BCAR3: variants seen among roughly 807,000 people sequenced by gnomAD.
BCAR3 encodes the protein breast cancer anti-estrogen resistance protein 3.
In BCAR3, 37 loss-of-function variants were observed where a neutral mutation model predicts 80.1. The ratio of observed to expected loss-of-function variants is 0.46; its 90% CI spans 0.36 to 0.61. BCAR3 has a LOEUF of 0.61. BCAR3 is among the 20% of genes least tolerant of loss of function. BCAR3 has a pLI of 0.00. For synonymous variants in BCAR3, 389 were observed against 418.9 expected (o/e 0.93, Z 0.87); for missense variants, 978 against 1,068.2 (o/e 0.92, Z 1.18).
At chr1:93,786,693 T>A (rs1193331285) in intron 2 of BCAR3, among the ~76,000 whole-genome samples, 1 of 152,078 alleles carries the variant, frequency 6.6e-6, no homozygotes, top group Admixed American at 6.5e-5. Context: ...GATACCAAAA[T>A]TTTTAAGTTA....
chr1:93,619,456 GA>G (rs1386583372), intron 3 of BCAR3, among the ~76,000 whole-genome samples: 3 of 152,176 alleles, frequency 2.0e-5, no homozygotes, highest in African/African-American at 7.2e-5. Context: ...TACTTCCCAA[GA>G]TTCCTTTTCT....
At chr1:93,790,203 C>A (rs1426049940) in intron 2 of BCAR3, among the ~76,000 whole-genome samples, 1 of 152,042 alleles carries the variant, frequency 6.6e-6, no homozygotes, top group Non-Finnish European at 1.5e-5. Context: ...ATACAGTGAA[C>A]AACCGAGAGG....
At chr1:93,683,017 C>T (rs1238611265), upstream of BCAR3, among the ~76,000 whole-genome samples, 2 of 152,036 alleles carry the variant, frequency 1.3e-5, no homozygotes, top group African/African-American at 4.8e-5. Context: ...AAATTAAGAG[C>T]TTCTGTTCAT....
intron 2 of BCAR3, among the ~76,000 whole-genome samples, chr1:93,771,707 T>C (rs1268504225): frequency 6.6e-6 from 1 of 152,182 alleles, no homozygotes; most frequent in East Asian, 1.9e-4. Context: ...TCTTTAATAT[T>C]TTATCTATAT....
intron 2 of BCAR3, among the ~76,000 whole-genome samples, chr1:93,827,919 C>T (rs1160537331): frequency 4.6e-5 from 7 of 152,186 alleles, no homozygotes; most frequent in Non-Finnish European, 8.8e-5. Flanking sequence ...CAAGTTCTCT[C>T]TGACCTTCTC....
rs1173139089 is a variant in BCAR3 at position 93,571,791 on chromosome 1, C to T, written c.1853G>A (p.Gly618Asp). The change falls in exon 9 of 12, where the codon GGC becomes GAC. Residue 618 changes from glycine (G) to aspartate (D), a missense_variant. By Grantham distance (94) the Gly-to-Asp change is moderately conservative. Coordinates refer to ENST00000260502, the MANE Select transcript of BCAR3 (RefSeq NM_003567.4). The part of the protein sequence containing the change: ...GIAVDILGCT[G>D]TLEDRAATLS... ...AGTGGCCGCTCGGTCCTCCAAAGTGCCCGTGCATCCCAGAATGTCCACTGC... is the reference window on the plus strand; with the variant it reads ...AGTGGCCGCTCGGTCCTCCAAAGTGTCCGTGCATCCCAGAATGTCCACTGC... 4 of 1,614,046 alleles carry T rather than the reference C, an allele frequency of 2.5e-6. No homozygotes were observed. In the Admixed American group the frequency reaches 6.7e-5, roughly 27 times the overall value.
At chr1:93,667,617 G>A (rs1467023014) in intron 2 of BCAR3, among the ~76,000 whole-genome samples, 1 of 152,296 alleles carries the variant, frequency 6.6e-6, no homozygotes, top group East Asian at 1.9e-4. Context: ...AAAAGCTGGG[G>A]CAACTAGGGA....
chr1:93,838,701 A>G (rs1019398033), intron 2 of BCAR3, among the ~76,000 whole-genome samples: 1 of 152,146 alleles, frequency 6.6e-6, no homozygotes, highest in Non-Finnish European at 1.5e-5. Flanking sequence ...TTATTATACA[A>G]TTACACTGTC....
At chr1:93,680,857 C>G (rs565268425) in intron 1 of BCAR3, among the ~76,000 whole-genome samples, 1 of 152,234 alleles carries the variant, frequency 6.6e-6, no homozygotes, top group South Asian at 2.1e-4. Flanking sequence ...CTGATTACAC[C>G]GTTTTAAAGC....
chr1:93,595,062 G>C (rs1275407737), intron 3 of BCAR3, among the ~76,000 whole-genome samples: 1 of 152,146 alleles, frequency 6.6e-6, no homozygotes, highest in African/African-American at 2.4e-5. Flanking sequence ...AGAAGAACAG[G>C]AAAATCCTAA....
At chr1:93,701,229 G>T (rs1172169940) in intron 3 of BCAR3, among the ~76,000 whole-genome samples, 1 of 152,240 alleles carries the variant, frequency 6.6e-6, no homozygotes, top group African/African-American at 2.4e-5. Flanking sequence ...CGGTCATCGT[G>T]AGGTCCCCAC....
chr1:93,634,914 C>T (rs1044043265), intron 3 of BCAR3, among the ~76,000 whole-genome samples: 1 of 152,168 alleles, frequency 6.6e-6, no homozygotes, highest in Non-Finnish European at 1.5e-5. Context: ...CAGACTAACA[C>T]AATGTGTGTT....
In BCAR3 at chr1:93,640,174, C is replaced by A. The variant is rs545696433; in HGVS notation, c.357+2130G>T. On this transcript the variant is annotated intron_variant, in intron 3 of 11. Transcript: ENST00000260502. ...CCAGCCATGAGGCACCAGCTGGCAT[C>A]AACTTATGAGGCCTTCCTGGCACTG... Among the ~76,000 whole-genome samples, 8 of 152,306 alleles carry A rather than the reference C, an allele frequency of 5.3e-5. No individual in the cohort carries two copies. In the East Asian group the frequency reaches 1.4e-3, roughly 26 times the overall value.
chr1:93,713,715 A>ATT (rs11431435), intron 2 of BCAR3, among the ~76,000 whole-genome samples: 63 of 151,520 alleles, frequency 4.2e-4, no homozygotes, highest in African/African-American at 1.5e-3. Context: ...CTGAAATGCC[A>ATT]TTTTTTTTTC....
intron 2 of BCAR3, among the ~76,000 whole-genome samples, chr1:93,791,203 G>C (rs1450114448): frequency 2.6e-5 from 2 of 75,550 alleles, no homozygotes; most frequent in Non-Finnish European, 4.6e-5. Context: ...GGTATTTCTA[G>C]TTCTAGATCC....
rs1182583496 is a variant in BCAR3, at chr1:93,567,336, G to A, written c.2242C>T (p.Arg748Ter). ...EIMLNHLATA[R>*]FMAEAADSYR... ...CTGTCTGCAGCCTCGGCCATGAATC[G>A]CGCTGTTGCCAAATGGTTCAGCATG... Residue 748 changes from arginine (R) to a stop codon, truncating the protein, a stop_gained, in exon 11 of 12, where the codon CGA becomes TGA. Coordinates refer to ENST00000260502, the MANE Select transcript of BCAR3 (RefSeq NM_003567.4). LOFTEE classifies it high-confidence loss of function. 3.7e-6 allele frequency: 6 copies of A among 1,613,978 alleles called. No individual in the cohort carries two copies. Among genetic ancestry groups the A allele is most frequent in the African/African-American group, 1.3e-5 (1 of 74,888 alleles).
At chr1:93,847,007 T>TGCTCC (rs1655235504) in intron 1 of BCAR3, 1 of 21,930 alleles carries the variant, frequency 4.6e-5, no homozygotes, top group Admixed American at 3.2e-3. Context: ...CAGCCGCGGC[T>TGCTCC]GGGTCGGGCG....
In BCAR3 at chr1:93,674,783, T is replaced by C; in HGVS notation, c.148A>G (p.Thr50Ala). The C allele has an allele frequency of 1.2e-6, 2 of 1,612,232 alleles. No homozygotes were observed. The highest frequency in any genetic ancestry group is 1.7e-6 in the Non-Finnish European group (2 of 1,179,552). The change falls in exon 2 of 12, where the codon ACC (threonine) becomes GCC (alanine). Residue 50 changes from threonine (T) to alanine (A), a missense_variant. By Grantham distance (58) the Thr-to-Ala change is moderately conservative. Coordinates refer to ENST00000260502, the MANE Select transcript of BCAR3 (RefSeq NM_003567.4). ...DAYQDVSIHG[T>A]LPRKKKGPPP... ...GGACCTTTTTTCTTCCGTGGAAGGG[T>C]GCCATGTATAGACACATCTTGATAG... is the stretch of plus-strand genomic sequence containing the variant.
intron 2 of BCAR3, among the ~76,000 whole-genome samples, chr1:93,713,891 T>C (rs1204888071): frequency 6.6e-6 from 1 of 152,226 alleles, no homozygotes; most frequent in African/African-American, 2.4e-5. Flanking sequence ...ATTCATTCAT[T>C]CATCCATCCA....
Sources: allele counts gnomAD v4.1 joint callset (sites outside exome capture counted in the v4.1 genomes callset), GRCh38; gene constraint gnomAD v4.1.1; transcripts MANE v1.5; gene names NCBI Gene and HGNC (gene_info 2026-07-23, HGNC 2026-07-21).